RBM44: variants seen among roughly 807,000 people sequenced by gnomAD.
RBM44 encodes the protein RNA binding motif protein 44.
A neutral mutation model predicts 105.1 loss-of-function variants in RBM44; 66 were observed. That is an observed-to-expected ratio of 0.63 (90% CI 0.52 to 0.77). The LOEUF is 0.77. Among genes scored for constraint, RBM44 ranks in the 30% least tolerant of loss-of-function variants. RBM44 has a pLI of 0.00. For missense variants in RBM44, 1,122 were observed against 1,207.8 expected (o/e 0.93, Z 1.05); for synonymous variants, 365 against 417.6 (o/e 0.87, Z 1.54).
rs1022475110 is a variant in RBM44 at position 237,842,235 on chromosome 2, A to C, written c.*419A>C. ...TGTGAAATGATTTCCATACATAAAA[A>C]ATGTAATTTACCTGAACTTTGTCTT... On this transcript the variant is annotated 3_prime_UTR_variant, in exon 16 of 16. Coordinates refer to ENST00000316997, the MANE Select transcript of RBM44 (RefSeq NM_001080504.3). 3 of 152,120 alleles carry C rather than the reference A, an allele frequency of 2.0e-5. No homozygotes were observed. Among genetic ancestry groups the C allele is most frequent in the African/African-American group, 7.2e-5 (3 of 41,446 alleles). 9.4% of individuals were successfully genotyped at this position (152,120 alleles called of 1,614,324 possible).
chr2:237,810,381 A>G (rs2061646901), intron 1 of RBM44, among the ~76,000 whole-genome samples: 1 of 152,206 alleles, frequency 6.6e-6, no homozygotes, highest in African/African-American at 2.4e-5. Flanking sequence ...ACCTCAGTAG[A>G]TCCAGTATCT....
intron 10 of RBM44, 46 bp downstream of exon 10, chr2:237,824,465 G>T (rs939652221): frequency 1.3e-6 from 2 of 1,523,678 alleles, no homozygotes; most frequent in Non-Finnish European, 1.8e-6. Flanking sequence ...TAGATCATTT[G>T]TAAAATAGTG....
intron 2 of RBM44, 23 bp downstream of exon 2, chr2:237,813,705 C>T (rs1334421447): frequency 2.0e-6 from 3 of 1,495,868 alleles, no homozygotes; most frequent in Admixed American, 1.7e-5. Context: ...TCCACTTACC[C>T]TTATTCTTGG....
Position 237,817,626 on chromosome 2 carries a change from G to A in RBM44, c.707G>A (p.Arg236His), listed in dbSNP as rs1298075035. The A allele has an allele frequency of 5.6e-6, 9 of 1,612,802 alleles. No individual in the cohort carries two copies. Among genetic ancestry groups the A allele is most frequent in the East Asian group, 4.5e-5 (2 of 44,808 alleles). Residue 236 changes from arginine (R) to histidine (H), a missense_variant, in exon 3 of 16, where the codon CGT becomes CAT. Physicochemically the swap from Arg to His is conservative, Grantham distance 29 (BLOSUM62 0). Transcript: ENST00000316997. Reference sequence around the variant, plus strand: ...TGTGCTAGCAATGTAGAAGATAATCGTGTTAACTCGGGAAGTGGTTCTATC... The same window carrying A: ...TGTGCTAGCAATGTAGAAGATAATCATGTTAACTCGGGAAGTGGTTCTATC... ...VKCASNVEDN[R>H]VNSGSGSIIS...
chr2:237,828,164 CA>C (rs1356682171), intron 12 of RBM44, among the ~76,000 whole-genome samples: 1 of 152,052 alleles, frequency 6.6e-6, no homozygotes, highest in African/African-American at 2.4e-5. Context: ...GTGACATTGC[CA>C]GATCATTCAA....
chr2:237,836,862 T>C (rs1406301504), intron 15 of RBM44, among the ~76,000 whole-genome samples: 1 of 151,878 alleles, frequency 6.6e-6, no homozygotes, highest in Non-Finnish European at 1.5e-5. Context: ...ATTCCTGGCC[T>C]TAAGCAATTC....
chr2:237,822,219 AATT>A (rs2061799960), intron 8 of RBM44, among the ~76,000 whole-genome samples: 1 of 152,094 alleles, frequency 6.6e-6, no homozygotes, highest in South Asian at 2.1e-4. Flanking sequence ...GTAAAGTAAT[AATT>A]CAGTCATTTT....
Position 237,834,281 on chromosome 2 carries a change from C to A in RBM44, c.3036C>A (p.Asp1012Glu), listed in dbSNP as rs758296426. ...TGTATGTTTTCCTTTTTCATAGAGA[C>A]CATATTATAAATGCACTTCAGGAAG... ...LAELHPEVSR[D>E]HIINALQEVR... is the part of the protein sequence containing the mutation. Residue 1012 changes from aspartate to glutamate, a missense_variant, in exon 15 of 16, where the codon GAC (aspartate) becomes GAA (glutamate). Physicochemically the swap from Asp to Glu is conservative, Grantham distance 45. Around this residue, in one of 3 missense-constraint regions of RBM44, gnomAD observed 194 missense variants for 225.5 expected, o/e 0.86. Coordinates refer to ENST00000316997, the MANE Select transcript of RBM44 (RefSeq NM_001080504.3). 1.3e-6 allele frequency: 2 copies of A among 1,571,864 alleles called. No individual in the cohort carries two copies. Among genetic ancestry groups the A allele is most frequent in the South Asian group, 2.4e-5 (2 of 82,798 alleles).
chr2:237,824,301 T>A lies in RBM44; in HGVS notation c.2331T>A (p.His777Gln). The A allele has an allele frequency of 1.9e-6, 3 of 1,612,988 alleles. No homozygotes were observed. The highest frequency in any genetic ancestry group is 2.5e-6 in the Non-Finnish European group (3 of 1,179,296). The stretch of plus-strand genomic sequence containing the variant: ...TGTTGAGTGTCTTAGACTGCAGACA[T>A]TACCAAGAGACAAGCGAAGACTGGT... ...QLKLGDKDCRHYQETSEDWSD... is the reference protein window; with the variant it reads ...QLKLGDKDCRQYQETSEDWSD... Residue 777 changes from histidine to glutamine, a missense_variant, in exon 10 of 16, where the codon CAT becomes CAA. Around this residue, in one of 3 missense-constraint regions of RBM44, gnomAD observed 918 missense variants for 955.3 expected, o/e 0.96. Transcript: ENST00000316997.
intron 15 of RBM44, among the ~76,000 whole-genome samples, chr2:237,838,481 T>C (rs957135009): frequency 1.4e-5 from 2 of 147,966 alleles, no homozygotes; most frequent in African/African-American, 4.9e-5. Flanking sequence ...ATGTGGTAGG[T>C]CTCAATCAAT....
intron 10 of RBM44, among the ~76,000 whole-genome samples, chr2:237,825,001 G>C (rs1484398081): frequency 1.3e-5 from 2 of 150,868 alleles, no homozygotes; most frequent in South Asian, 2.1e-4. Flanking sequence ...TATCAGCATT[G>C]GTTGTATTGT....
At chr2:237,833,248 A>G (rs536085122) in intron 13 of RBM44, among the ~76,000 whole-genome samples, 127 of 152,318 alleles carry the variant, frequency 8.3e-4, no homozygotes, top group African/African-American at 2.8e-3. Context: ...GAAAGATACA[A>G]TGTTCTGATG....
At chr2:237,809,336 T>C (rs1365680264) in intron 1 of RBM44, among the ~76,000 whole-genome samples, 1 of 152,208 alleles carries the variant, frequency 6.6e-6, no homozygotes, top group African/African-American at 2.4e-5. Context: ...AATCTTTTTC[T>C]TGGTTCTAAT....
At chr2:237,820,417 G>A in intron 5 of RBM44, 66 bp downstream of exon 5, 3 of 990,394 alleles carry the variant, frequency 3.0e-6, no homozygotes, top group Non-Finnish European at 4.3e-6. Flanking sequence ...TTATTCTAGA[G>A]AGTTTCTCTA....
At chr2:237,827,587 GTGA>G in intron 12 of RBM44, 84 bp downstream of exon 12, 1 of 794,000 alleles carries the variant, frequency 1.3e-6, no homozygotes, top group Non-Finnish European at 2.1e-6. Flanking sequence ...AGCCACAGTG[GTGA>G]TAAAGTCAAG....
In RBM44 at chr2:237,803,373, A is replaced by T. The variant is rs2061567106; in HGVS notation, c.-19+4512A>T. ...CTTTCTCTCTCACTCACACACACAC[A>T]CACAAATTTTAAGCCATTCTAATGA... On this transcript the variant is annotated intron_variant, in intron 1 of 15. Transcript: ENST00000316997. This position sits in a 1 kb window ranked among gnomAD's most constrained non-coding sequence, Gnocchi z 4.2. Among the ~76,000 whole-genome samples, 1 of 152,094 alleles carries T rather than the reference A, an allele frequency of 6.6e-6. No individual in the cohort carries two copies. The highest frequency in any genetic ancestry group is 1.5e-5 in the Non-Finnish European group (1 of 68,020).
Position 237,818,139 on chromosome 2 carries a change from T to C in RBM44, c.1220T>C (p.Leu407Ser). The change falls in exon 3 of 16, where the codon TTA becomes TCA. Residue 407 changes from leucine to serine, a missense_variant. Physicochemically the swap from Leu to Ser is moderately radical, Grantham distance 145. Coordinates refer to ENST00000316997, the MANE Select transcript of RBM44 (RefSeq NM_001080504.3). The surrounding 1 kb of genome is among the most constrained non-coding windows in gnomAD (Gnocchi z 4.6). ...CTACAAAACACTGCTGACTCAGCCT[T>C]AGATTTTTCTGCTATGCTACCAAAG... The part of the protein sequence containing the change: ...ESLQNTADSA[L>S]DFSAMLPKIA... 1.9e-6 allele frequency: 3 copies of C among 1,613,152 alleles called. No individual in the cohort carries two copies. The highest frequency in any genetic ancestry group is 2.5e-6 in the Non-Finnish European group (3 of 1,179,494).
chr2:237,813,570 T>A, intron 1 of RBM44, 22 bp from the exon 2 acceptor site: 1 of 1,254,388 alleles, frequency 8.0e-7, no homozygotes, highest in Non-Finnish European at 1.2e-6. Context: ...TAATAATAGT[T>A]CAATATTTAT....
At chr2:237,806,347 T>C (rs1423138653) in intron 1 of RBM44, among the ~76,000 whole-genome samples, 11 of 152,234 alleles carry the variant, frequency 7.2e-5, no homozygotes. Context: ...CTTTTATCTA[T>C]TCATCTATTT....
Sources: gnomAD v4.1 joint callset for allele counts (sites outside exome capture counted in the v4.1 genomes callset) on GRCh38, gnomAD v4.1.1 for gene constraint, gnomAD v4.1.1 regional missense constraint, Gnocchi (gnomAD v3.1) non-coding constraint, MANE v1.5 for transcripts, NCBI Gene and HGNC (gene_info 2026-07-23, HGNC 2026-07-21) for gene names.